CDKAL1: variants seen among roughly 807,000 people sequenced by gnomAD.
CDKAL1 encodes the protein threonylcarbamoyladenosine tRNA methylthiotransferase.
Under a neutral mutation model 68.2 loss-of-function variants are expected in CDKAL1, and 32 were observed. That is an observed-to-expected ratio of 0.47 (90% CI 0.35 to 0.63). The LOEUF (loss-of-function observed/expected upper bound fraction) is 0.63. CDKAL1 is among the 30% of genes least tolerant of loss of function. The pLI, the probability that CDKAL1 is intolerant of heterozygous loss-of-function variation, is 0.00. For missense variants in CDKAL1, 606 were observed against 696.7 expected (o/e 0.87, Z 1.47); for synonymous variants, 234 against 244.3 (o/e 0.96, Z 0.39).
chr6:20,575,010 T>C (rs1414298104), intron 4 of CDKAL1, among the ~76,000 whole-genome samples: 1 of 152,082 alleles, frequency 6.6e-6, no homozygotes, highest in African/African-American at 2.4e-5. Flanking sequence ...TCCAGATGAG[T>C]AGTTTATTTC....
intron 13 of CDKAL1, among the ~76,000 whole-genome samples, chr6:21,154,804 A>T (rs545633327): frequency 6.6e-6 from 1 of 152,156 alleles, no homozygotes; most frequent in African/African-American, 2.4e-5. Context: ...CCTGGCCAAC[A>T]TGATGAAACC....
At chr6:21,069,814 C>A (rs1452411285) in intron 12 of CDKAL1, among the ~76,000 whole-genome samples, 8 of 89,544 alleles carry the variant, frequency 8.9e-5, no homozygotes, top group African/African-American at 3.2e-4. Flanking sequence ...TAAAACAGAG[C>A]CTTGCTCTGT....
chr6:20,666,102 A>G (rs1769529307), intron 5 of CDKAL1, among the ~76,000 whole-genome samples: 1 of 152,194 alleles, frequency 6.6e-6, no homozygotes, highest in Non-Finnish European at 1.5e-5. Flanking sequence ...ATAAGTTTAA[A>G]TAAATACTAT....
intron 10 of CDKAL1, among the ~76,000 whole-genome samples, chr6:20,999,663 TAAAAAA>T (rs36078234): frequency 2.5e-3 from 235 of 93,392 alleles, no homozygotes; most frequent in African/African-American, 0.01. Flanking sequence ...TGACTGAAAT[TAAAAAA>T]AAAAAAAAAA....
At chr6:21,036,846 GC>G (rs1310463385) in intron 11 of CDKAL1, among the ~76,000 whole-genome samples, 1 of 152,154 alleles carries the variant, frequency 6.6e-6, no homozygotes, top group African/African-American at 2.4e-5. Flanking sequence ...ATTCATCAAA[GC>G]CAAGGAAAAA....
At chr6:21,165,358 C>G (rs549048742) in intron 13 of CDKAL1, among the ~76,000 whole-genome samples, 1 of 152,220 alleles carries the variant, frequency 6.6e-6, no homozygotes, top group East Asian at 1.9e-4. Context: ...ATTCTAAGGT[C>G]AAAATATAAA....
chr6:20,911,707 CT>C (rs1762475882), intron 9 of CDKAL1, among the ~76,000 whole-genome samples: 1 of 152,166 alleles, frequency 6.6e-6, no homozygotes, highest in Non-Finnish European at 1.5e-5. Flanking sequence ...GCAAGAAAAC[CT>C]TTCTGATGCA....
At position 21,193,601 on chromosome 6, in the gene CDKAL1, C is replaced by T. The variant is rs552903211; in HGVS notation, c.1300-4420C>T. Among the ~76,000 whole-genome samples the T allele has an allele frequency of 4.6e-5, 7 of 152,314 alleles. No homozygotes were observed. The East Asian group carries it at 1.3e-3, about 29-fold the overall frequency. ...CTCTTTCATCTCAAAAATAATCTCA[C>T]TCAGACCCTGTGTCTTTGTCCCCTA... On this transcript the variant is annotated intron_variant, in intron 13 of 15. Transcript: ENST00000274695.
intron 15 of CDKAL1, among the ~76,000 whole-genome samples, chr6:21,213,391 A>G (rs188500363): frequency 3.7e-4 from 56 of 152,334 alleles, no homozygotes; most frequent in Non-Finnish European, 5.9e-4. Context: ...TATCTCGTTC[A>G]TGAACATGGA....
intron 13 of CDKAL1, among the ~76,000 whole-genome samples, chr6:21,152,924 G>A (rs78161973): frequency 0.011 from 1,743 of 152,128 alleles, 11 homozygotes; most frequent in Admixed American, 0.018. Flanking sequence ...ATTTCCATTC[G>A]ACTCTTAGAG....
chr6:20,542,484 A>T (rs1030485881), intron 2 of CDKAL1, among the ~76,000 whole-genome samples: 25 of 152,218 alleles, frequency 1.6e-4, no homozygotes, highest in Admixed American at 8.5e-4. Flanking sequence ...GTTGTTGTGA[A>T]TGGTTGATGA....
chr6:20,961,213 G>A (rs1357982323), intron 10 of CDKAL1, among the ~76,000 whole-genome samples: 1 of 152,086 alleles, frequency 6.6e-6, no homozygotes, highest in Non-Finnish European at 1.5e-5. Flanking sequence ...CAGTAGACTG[G>A]ATAAAGACAG....
intron 12 of CDKAL1, among the ~76,000 whole-genome samples, chr6:21,099,798 G>A (rs948263162): frequency 2.6e-5 from 4 of 152,194 alleles, no homozygotes; most frequent in African/African-American, 4.8e-5. Flanking sequence ...GCAGGGATTT[G>A]ACCTATGTCG....
intron 4 of CDKAL1, among the ~76,000 whole-genome samples, chr6:20,628,907 T>G (rs1031308762): frequency 1.3e-5 from 2 of 152,174 alleles, no homozygotes; most frequent in Non-Finnish European, 2.9e-5. Flanking sequence ...AGCTGTTTAC[T>G]TGATGCCCCA....
chr6:21,054,813 G>A (rs182033261), intron 11 of CDKAL1, among the ~76,000 whole-genome samples: 10 of 150,998 alleles, frequency 6.6e-5, no homozygotes, highest in Admixed American at 5.3e-4. Flanking sequence ...TATTGATCTT[G>A]TATCCTACAG....
chr6:20,668,319 A>G (rs953242039), intron 5 of CDKAL1, among the ~76,000 whole-genome samples: 1 of 151,354 alleles, frequency 6.6e-6, no homozygotes, highest in African/African-American at 2.5e-5. Context: ...TGTTTTTTTA[A>G]GTATTTATTT....
rs552018938 is a variant in CDKAL1 at position 20,848,092 on chromosome 6, A to G, written c.742+1914A>G. ...GTGCAGTTACAAAGTTCATACTCCT[A>G]TGCAAACATCCGATTGGTTATGGAA... On this transcript the variant is annotated intron_variant, in intron 9 of 15. Coordinates refer to ENST00000274695, the MANE Select transcript of CDKAL1 (RefSeq NM_017774.3). Among the ~76,000 whole-genome samples, 8 of 152,282 alleles carry G rather than the reference A, an allele frequency of 5.3e-5. No homozygotes were observed. The South Asian group carries it at 6.2e-4, about 12-fold the overall frequency.
At chr6:20,598,683 A>G (rs552839106) in intron 4 of CDKAL1, among the ~76,000 whole-genome samples, 9 of 152,310 alleles carry the variant, frequency 5.9e-5, no homozygotes, top group Admixed American at 2.0e-4. Flanking sequence ...CTTAATAATT[A>G]ATTAGTTTTT....
At chr6:20,980,721 G>A (rs937343488) in intron 10 of CDKAL1, among the ~76,000 whole-genome samples, 2 of 152,108 alleles carry the variant, frequency 1.3e-5, no homozygotes, top group African/African-American at 4.8e-5. Flanking sequence ...TTCTGTGTTT[G>A]GTGACCTGAT....
Sources: allele counts gnomAD v4.1 joint callset (sites outside exome capture counted in the v4.1 genomes callset), GRCh38; gene constraint gnomAD v4.1.1; transcripts MANE v1.5; gene names NCBI Gene and HGNC (gene_info 2026-07-23, HGNC 2026-07-21).